Variants in KCNIP1 observed in about 807,000 individuals in gnomAD.
KCNIP1 encodes A-type potassium channel modulatory protein KCNIP1.
Under a neutral mutation model 33.0 loss-of-function variants are expected in KCNIP1, and 18 were observed. The observed-to-expected ratio is 0.55, with a 90% CI of 0.38 to 0.81. KCNIP1 has a LOEUF of 0.81. KCNIP1 is among the 30% of genes least tolerant of loss of function. The pLI, the probability that KCNIP1 is intolerant of heterozygous loss-of-function variation, is 0.00. For missense variants in KCNIP1, 238 were observed against 271.6 expected (o/e 0.88, Z 0.87); for synonymous variants, 93 against 98.3 (o/e 0.95, Z 0.32).
At chr5:170,476,194 C>G (rs1423742454) in intron 1 of KCNIP1, among the ~76,000 whole-genome samples, 1 of 152,134 alleles carries the variant, frequency 6.6e-6, no homozygotes, top group Admixed American at 6.5e-5. Flanking sequence ...TGGTCTTTCA[C>G]TTCTGAGCTC....
At chr5:170,384,758 A>G (rs903688771) in intron 1 of KCNIP1, among the ~76,000 whole-genome samples, 2 of 152,244 alleles carry the variant, frequency 1.3e-5, no homozygotes, top group South Asian at 2.1e-4. Flanking sequence ...TTGATATGTC[A>G]TGGAGCAAGG....
chr5:170,606,568 G>GGCC (rs1758928666), intron 1 of KCNIP1, among the ~76,000 whole-genome samples: 1 of 152,162 alleles, frequency 6.6e-6, no homozygotes, highest in African/African-American at 2.4e-5. Flanking sequence ...TGGAGTCCCT[G>GGCC]ACCCAGAAGG....
At chr5:170,406,770 A>G (rs1049826012) in intron 1 of KCNIP1, among the ~76,000 whole-genome samples, 3 of 152,176 alleles carry the variant, frequency 2.0e-5, no homozygotes, top group Admixed American at 2.0e-4. Context: ...CACAGAGAGG[A>G]ATCTGCTTCC....
intron 1 of KCNIP1, among the ~76,000 whole-genome samples, chr5:170,609,646 GC>G (rs1452073377): frequency 1.3e-5 from 2 of 152,012 alleles, no homozygotes; most frequent in Non-Finnish European, 2.9e-5. Flanking sequence ...TTCAAGACCA[GC>G]CTGGGCAACA....
At chr5:170,643,355 G>T (rs1760652835) in intron 1 of KCNIP1, among the ~76,000 whole-genome samples, 1 of 151,228 alleles carries the variant, frequency 6.6e-6, no homozygotes, top group African/African-American at 2.4e-5. Flanking sequence ...TTTGTGTTTT[G>T]TTAAGCTAGC....
intron 1 of KCNIP1, among the ~76,000 whole-genome samples, chr5:170,446,056 C>G (rs1756105981): frequency 6.6e-6 from 1 of 152,182 alleles, no homozygotes; most frequent in Non-Finnish European, 1.5e-5. Context: ...CATGGAGCAG[C>G]TCCTGTCCCT....
At chr5:170,424,533 C>T (rs1755570566) in intron 1 of KCNIP1, among the ~76,000 whole-genome samples, 1 of 152,090 alleles carries the variant, frequency 6.6e-6, no homozygotes, top group Non-Finnish European at 1.5e-5. Context: ...AAGACCAGAC[C>T]AAGACTCAGA....
At chr5:170,434,106 C>T (rs1159437362) in intron 1 of KCNIP1, among the ~76,000 whole-genome samples, 3 of 152,214 alleles carry the variant, frequency 2.0e-5, no homozygotes, top group Non-Finnish European at 4.4e-5. Context: ...GGTTCAAATG[C>T]TGCTTACTGG....
intron 1 of KCNIP1, among the ~76,000 whole-genome samples, chr5:170,361,985 C>G (rs1763525325): frequency 6.6e-6 from 1 of 152,164 alleles, no homozygotes; most frequent in Non-Finnish European, 1.5e-5. Flanking sequence ...GTCTCTTCAT[C>G]TCTAAAATGA....
chr5:170,528,695 T>C (rs1755673572), intron 1 of KCNIP1, among the ~76,000 whole-genome samples: 3 of 152,226 alleles, frequency 2.0e-5, no homozygotes, highest in Non-Finnish European at 4.4e-5. Context: ...AGGAAATCTG[T>C]GGCCTATTCT....
At chr5:170,538,915 G>A (rs978668687) in intron 1 of KCNIP1, among the ~76,000 whole-genome samples, 19 of 151,954 alleles carry the variant, frequency 1.3e-4, no homozygotes, top group Non-Finnish European at 2.5e-4. Flanking sequence ...CCTTCTTTAT[G>A]AGATTTTCCT....
intron 1 of KCNIP1, among the ~76,000 whole-genome samples, chr5:170,661,664 T>A (rs1021785226): frequency 1.3e-5 from 2 of 152,222 alleles, no homozygotes; most frequent in Non-Finnish European, 2.9e-5. Context: ...ACACATGGGC[T>A]ACTGCTCACC....
intron 1 of KCNIP1, among the ~76,000 whole-genome samples, chr5:170,387,436 G>A (rs1053805144): frequency 1.3e-5 from 2 of 151,960 alleles, no homozygotes; most frequent in South Asian, 4.1e-4. Flanking sequence ...CCTCATACCC[G>A]GGCATCTCCG....
intron 1 of KCNIP1, among the ~76,000 whole-genome samples, chr5:170,550,538 T>TG: frequency 1.4e-5 from 2 of 147,676 alleles, no homozygotes; most frequent in African/African-American, 2.7e-5. Flanking sequence ...ATGATGGTGA[T>TG]AATGATGATG....
chr5:170,575,339 T>A (rs904116463), intron 1 of KCNIP1, among the ~76,000 whole-genome samples: 4 of 152,224 alleles, frequency 2.6e-5, no homozygotes, highest in African/African-American at 9.6e-5. Context: ...TCCCCTTTAA[T>A]AGGGCATATG....
chr5:170,390,517 A>ATATATATAT (rs1554088941), intron 1 of KCNIP1, among the ~76,000 whole-genome samples: 59 of 74,456 alleles, frequency 7.9e-4, no homozygotes, highest in Non-Finnish European at 8.5e-4. Flanking sequence ...AAAAAAAACA[A>ATATATATAT]ATATATATAT....
intron 1 of KCNIP1, among the ~76,000 whole-genome samples, chr5:170,381,108 G>C (rs564295751): frequency 6.6e-6 from 1 of 152,292 alleles, no homozygotes; most frequent in Non-Finnish European, 1.5e-5. Context: ...TCCATCCTGG[G>C]CCTAGTGTAT....
chr5:170,556,903 A>G (rs1756865151), intron 1 of KCNIP1, among the ~76,000 whole-genome samples: 2 of 152,302 alleles, frequency 1.3e-5, no homozygotes, highest in South Asian at 4.1e-4. Context: ...CCAATTGTGG[A>G]TGTGGCCTGT....
At chr5:170,467,387 C>T (rs562111086) in intron 1 of KCNIP1, among the ~76,000 whole-genome samples, 1 of 152,276 alleles carries the variant, frequency 6.6e-6, no homozygotes, top group South Asian at 2.1e-4. Context: ...ACCACCATTA[C>T]TTTTGCACCA....
Sources: gnomAD v4.1 joint callset for allele counts (sites outside exome capture counted in the v4.1 genomes callset) on GRCh38, gnomAD v4.1.1 for gene constraint, MANE v1.5 for transcripts, NCBI Gene and HGNC (gene_info 2026-07-23, HGNC 2026-07-21) for gene names.